Variants in SPMIP11 observed in about 807,000 individuals in gnomAD.
SPMIP11 encodes the protein long intergenic non-protein coding RNA 935.
At chr12:48,747,883 A>C in the SPMIP11 span, among the ~76,000 whole-genome samples, 1 of 152,290 alleles carries the variant, frequency 6.6e-6, no homozygotes, top group Non-Finnish European at 1.5e-5. Flanking sequence ...TGTGCTCCAG[A>C]GACACCTGTC....
the SPMIP11 span, among the ~76,000 whole-genome samples, chr12:48,764,688 C>T: frequency 1.3e-5 from 2 of 152,116 alleles, no homozygotes; most frequent in East Asian, 1.9e-4. Context: ...TGCTAGAATC[C>T]GGAAGTGAAG....
At chr12:48,739,308 C>T in the SPMIP11 span, among the ~76,000 whole-genome samples, 2 of 152,236 alleles carry the variant, frequency 1.3e-5, no homozygotes, top group South Asian at 2.1e-4. Flanking sequence ...TATAATTTCT[C>T]TGGGGAAGAA....
the SPMIP11 span, among the ~76,000 whole-genome samples, chr12:48,755,875 CTTTT>C: frequency 4.9e-5 from 5 of 101,616 alleles, no homozygotes; most frequent in Non-Finnish European, 8.1e-5. Flanking sequence ...CAGTTTCTTT[CTTTT>C]TTTTTTTTTT....
chr12:48,742,018 T>C, the SPMIP11 span, among the ~76,000 whole-genome samples: 1 of 152,154 alleles, frequency 6.6e-6, no homozygotes, highest in African/African-American at 2.4e-5. Flanking sequence ...GTTATTTCTG[T>C]GATAATTGCA....
chr12:48,753,967 T>G, the SPMIP11 span, among the ~76,000 whole-genome samples: 11 of 152,058 alleles, frequency 7.2e-5, no homozygotes, highest in Admixed American at 3.9e-4. Flanking sequence ...CCTCCCAAAG[T>G]GCTGGGATTA....
chr12:48,730,636 A>G, the SPMIP11 span, among the ~76,000 whole-genome samples: 5 of 152,194 alleles, frequency 3.3e-5, no homozygotes, highest in African/African-American at 1.2e-4. Context: ...CCTTTTTATC[A>G]GTAAGAAAAC....
the SPMIP11 span, chr12:48,759,208 G>T: frequency 1.4e-6 from 1 of 702,820 alleles, no homozygotes; most frequent in South Asian, 1.5e-5. Flanking sequence ...TCTAATTTCA[G>T]ACCAGAAGGA....
the SPMIP11 span, among the ~76,000 whole-genome samples, chr12:48,731,020 T>C: frequency 4.1e-4 from 63 of 152,306 alleles, no homozygotes; most frequent in African/African-American, 1.4e-3. Flanking sequence ...GAGCCAGAAT[T>C]TGATTCCAAA....
the SPMIP11 span, among the ~76,000 whole-genome samples, chr12:48,761,570 C>A: frequency 1.3e-5 from 2 of 148,562 alleles, no homozygotes; most frequent in Admixed American, 1.3e-4. Flanking sequence ...TGTGATAGTG[C>A]TACTGCACTC....
At chr12:48,757,649 AAAAT>A in the SPMIP11 span, among the ~76,000 whole-genome samples, 48 of 85,638 alleles carry the variant, frequency 5.6e-4, no homozygotes, top group African/African-American at 1.8e-3. Context: ...CTATCTCAAA[AAAAT>A]AAAAATAAAA....
chr12:48,769,413 CAAAAA>C, the SPMIP11 span, among the ~76,000 whole-genome samples: 7 of 38,848 alleles, frequency 1.8e-4, no homozygotes, highest in East Asian at 7.9e-4. Flanking sequence ...ATCCCCATCT[CAAAAA>C]AAAAAAAAAA....
chr12:48,752,883 G>T, the SPMIP11 span, among the ~76,000 whole-genome samples: 50,119 of 151,744 alleles, frequency 0.33, 9,464 homozygotes, highest in Non-Finnish European at 0.45. Context: ...TGTTGGCCAG[G>T]CTGGTCTCGA....
At chr12:48,734,285 T>G in the SPMIP11 span, among the ~76,000 whole-genome samples, 1 of 151,734 alleles carries the variant, frequency 6.6e-6, no homozygotes, top group African/African-American at 2.4e-5. Flanking sequence ...ACCCTGCTAA[T>G]TTTTTTGTAA....
At chr12:48,768,469 T>C in the SPMIP11 span, 1 of 1,418,594 alleles carries the variant, frequency 7.0e-7, no homozygotes, top group Non-Finnish European at 9.9e-7. Flanking sequence ...GCTGGGATGT[T>C]CCCTTTTGTG....
At chr12:48,761,585 C>A in the SPMIP11 span, among the ~76,000 whole-genome samples, 1 of 149,974 alleles carries the variant, frequency 6.7e-6, no homozygotes. Flanking sequence ...GCACTCCAGC[C>A]TGGGCAACAG....
At chr12:48,744,233 A>C in the SPMIP11 span, among the ~76,000 whole-genome samples, 1 of 137,484 alleles carries the variant, frequency 7.3e-6, no homozygotes, top group Non-Finnish European at 1.5e-5. Context: ...GGGCAACAAG[A>C]GTGAAGCAAC....
chr12:48,764,944 T>C, the SPMIP11 span: 3 of 702,778 alleles, frequency 4.3e-6, no homozygotes, highest in South Asian at 3.0e-5. Context: ...GAGGAAACCA[T>C]GCCATGGATC....
the SPMIP11 span, among the ~76,000 whole-genome samples, chr12:48,748,193 T>G: frequency 6.6e-6 from 1 of 152,162 alleles, no homozygotes; most frequent in Admixed American, 6.6e-5. Context: ...TTCCCTCTGG[T>G]TCAATGAATA....
At chr12:48,755,337 T>C in the SPMIP11 span, among the ~76,000 whole-genome samples, 1 of 152,186 alleles carries the variant, frequency 6.6e-6, no homozygotes, top group African/African-American at 2.4e-5. Context: ...AGCATGGCGT[T>C]AACTGGGTGG....
Sources: gnomAD v4.1 joint callset for allele counts (sites outside exome capture counted in the v4.1 genomes callset) on GRCh38, gnomAD v4.1.1 for gene constraint, MANE v1.5 for transcripts, NCBI Gene and HGNC (gene_info 2026-07-23, HGNC 2026-07-21) for gene names.